Variants in KIF17 observed in about 807,000 individuals in gnomAD.
The protein encoded by KIF17 is kinesin family member 17.
KIF17 carries 80 observed loss-of-function variants against 96.8 expected under a neutral mutation model. The observed-to-expected ratio is 0.83, with a 90% CI of 0.69 to 1.00. KIF17 has a LOEUF of 1.00. Among genes scored for constraint, KIF17 ranks in the 50% least tolerant of loss-of-function variants. KIF17 has a pLI of 0.00. For missense variants in KIF17, 1,280 were observed against 1,372.9 expected, an observed-to-expected ratio of 0.93 and a Z score of 1.07; for synonymous variants, 567 against 587.5, an observed-to-expected ratio of 0.97 and a Z score of 0.51.
intron 13 of KIF17, 47 bp downstream of exon 13, chr1:20,670,374 A>C: frequency 1.3e-6 from 2 of 1,550,896 alleles, no homozygotes; most frequent in Non-Finnish European, 1.8e-6. Flanking sequence ...CTGGGGGCAA[A>C]GCCCTCCCAG....
rs920202411 is a variant in KIF17, at chr1:20,685,077, C to T, written c.2020-57G>A. ...GGAAGGCCGCCCCAACCCCCGCCGA[C>T]AGCTCCCAGGTGGCTCAATCCCAGA... On this transcript the variant is annotated intron_variant, in intron 9 of 14. Transcript: ENST00000400463. The surrounding 1 kb of genome is among the most constrained non-coding windows in gnomAD (Gnocchi z 4.1). 4.2e-6 allele frequency: 6 copies of T among 1,429,212 alleles called. No homozygotes were observed. The highest frequency in any genetic ancestry group is 1.7e-4 in the Middle Eastern group (1 of 5,768). 88.5% of individuals were successfully genotyped at this position (1,429,212 alleles called of 1,614,324 possible). A position where few individuals can be genotyped will look rare whatever the true frequency, so the allele number is the denominator to read the frequency against.
chr1:20,685,335 G>A lies in KIF17; in HGVS notation c.2020-315C>T. The A allele has an allele frequency of 1.9e-6, 1 of 531,550 alleles. No homozygotes were observed. Among genetic ancestry groups the A allele is most frequent in the South Asian group, 1.7e-5 (1 of 59,296 alleles). The allele number at this position is 531,550 out of a possible 1,614,324, so 32.9% of individuals were successfully genotyped here. ...ATCCCGTTCCCGATGAGCCCCATGTGACTTCCCGTCACGTTCGCAGGAAAG... is the reference window on the plus strand; with the variant it reads ...ATCCCGTTCCCGATGAGCCCCATGTAACTTCCCGTCACGTTCGCAGGAAAG... On this transcript the variant is annotated intron_variant, in intron 9 of 14. Coordinates refer to ENST00000400463, the MANE Select transcript of KIF17 (RefSeq NM_001122819.3). The surrounding 1 kb of genome is among the most constrained non-coding windows in gnomAD (Gnocchi z 4.1).
In KIF17 at chr1:20,690,487, C is replaced by T. The variant is rs542583500; in HGVS notation, c.1234-152G>A. 3,067 of 704,162 alleles carry T rather than the reference C, an allele frequency of 4.4e-3. 9 individuals carry two copies. The highest frequency in any genetic ancestry group is 5.7e-3 in the Non-Finnish European group (2,472 of 431,120). The allele number at this position is 704,162 out of a possible 1,614,324, so 43.6% of individuals were successfully genotyped here. On this transcript the variant is annotated intron_variant, in intron 6 of 14. Transcript: ENST00000400463. ...GTACAACACTGTGATAATTACTTGC[C>T]GGTGAAGACCTTTCCAAACTGTTCT...
Position 20,664,364 on chromosome 1 carries a change from C to T in KIF17, c.*220G>A. 1.4e-6 allele frequency: 2 copies of T among 1,437,716 alleles called. No individual in the cohort carries two copies. The highest frequency in any genetic ancestry group is 1.8e-6 in the Non-Finnish European group (2 of 1,100,400). 89.1% of individuals were successfully genotyped at this position (1,437,716 alleles called of 1,614,324 possible). ...ATGTGGTATGAACAGCTGGAGCAGG[C>T]CTCTCTAAGGAGGACTATACAGCCT... On this transcript the variant is annotated 3_prime_UTR_variant, in exon 15 of 15. Transcript: ENST00000400463.
At chr1:20,683,031 G>C (rs2053860396) in intron 10 of KIF17, 147 bp from the exon 11 acceptor site, 1 of 673,104 alleles carries the variant, frequency 1.5e-6, no homozygotes, top group African/African-American at 1.8e-5. Context: ...CTCGGCGACA[G>C]GACGCTGCTT....
rs1287897765 is a variant in KIF17, at chr1:20,717,809, C to CG, written c.-104dup. ...CGGGGCCAGCGCCGGCCACGGGGGG[C>CG]GGGGCCTTGAGGCAGGGGCGGGGCC... On this transcript the variant is annotated 5_prime_UTR_variant, in exon 1 of 15. Coordinates refer to ENST00000400463, the MANE Select transcript of KIF17 (RefSeq NM_001122819.3). The CG allele has an allele frequency of 1.6e-6, 2 of 1,283,366 alleles. No homozygotes were observed. The highest frequency in any genetic ancestry group is 3.3e-5 in the East Asian group (1 of 30,720). The allele number at this position is 1,283,366 out of a possible 1,614,324, so 79.5% of individuals were successfully genotyped here.
At chr1:20,662,567 T>C (rs1169033131), downstream of KIF17, among the ~76,000 whole-genome samples, 3 of 152,190 alleles carry the variant, frequency 2.0e-5, no homozygotes, top group African/African-American at 7.2e-5. Flanking sequence ...CCCTAACTCC[T>C]GCCCTTCCAC....
At chr1:20,669,904 A>C (rs79939467) in intron 13 of KIF17, among the ~76,000 whole-genome samples, 5 of 121,334 alleles carry the variant, frequency 4.1e-5, no homozygotes, top group African/African-American at 9.2e-5. Flanking sequence ...AAAAAAAAAA[A>C]CAACCACCAC....
Position 20,709,757 on chromosome 1 carries a change from C to T in KIF17, c.552G>A (p.Gln184=). ...LSMHTVHSVA[Q]CEHIMETGWK... ...AGCCAGTCTCCATGATGTGCTCACA[C>T]TGGGCCACGCTGTGCACCGTGTGCA... is the stretch of plus-strand genomic sequence containing the variant. The change falls in exon 4 of 15, where the codon CAG becomes CAA. Residue 184 remains glutamine (Q), a synonymous_variant. Transcript: ENST00000400463. The surrounding 1 kb of genome is among the most constrained non-coding windows in gnomAD (Gnocchi z 4.7). 6.2e-7 allele frequency: 1 copy of T among 1,614,162 alleles called. No homozygotes were observed. Among genetic ancestry groups the T allele is most frequent in the Non-Finnish European group, 8.5e-7 (1 of 1,180,032 alleles).
intron 6 of KIF17, among the ~76,000 whole-genome samples, chr1:20,692,446 T>G (rs980878441): frequency 4.6e-5 from 7 of 152,078 alleles, no homozygotes; most frequent in Admixed American, 3.9e-4. Context: ...GTTCAAGTGA[T>G]TCTCCTGATT....
rs180790850 is a variant in KIF17, at chr1:20,713,105, C to A, written c.480+349G>T. Among the ~76,000 whole-genome samples, 802 of 150,008 alleles carry A rather than the reference C, an allele frequency of 5.3e-3. 5 individuals are homozygous for A. The highest frequency in any genetic ancestry group is 8.9e-3 in the Non-Finnish European group (604 of 67,658). ...CTACCTCCTGGGTTCAAGTGATTCTCCTGCCTTAGCCTCCCCAGTAGCTGG... is the reference window on the plus strand; with the variant it reads ...CTACCTCCTGGGTTCAAGTGATTCTACTGCCTTAGCCTCCCCAGTAGCTGG... On this transcript the variant is annotated intron_variant, in intron 3 of 14. Coordinates refer to ENST00000400463, the MANE Select transcript of KIF17 (RefSeq NM_001122819.3).
At chr1:20,681,051 A>G (rs1239148709) in intron 11 of KIF17, among the ~76,000 whole-genome samples, 10 of 149,178 alleles carry the variant, frequency 6.7e-5, no homozygotes, top group South Asian at 2.2e-4. Context: ...GCATGAACCC[A>G]GGAGGCGGAG....
chr1:20,716,846 C>T (rs1427261150), intron 1 of KIF17, among the ~76,000 whole-genome samples: 2 of 152,198 alleles, frequency 1.3e-5, no homozygotes, highest in Non-Finnish European at 2.9e-5. Context: ...CAGTTCCTGC[C>T]CTTGCAGAGC....
In KIF17 at chr1:20,709,804, C is replaced by T. The variant is rs547253363; in HGVS notation, c.505G>A (p.Val169Met). ...LELKEHPEKG[V>M]YVKGLSMHTV... ...TGCATGGACAGCCCCTTCACGTACA[C>T]GCCCTTCTCTGGGTGCTCCTTCAGC... is the stretch of plus-strand genomic sequence containing the variant. The change falls in exon 4 of 15, where the codon GTG (valine) becomes ATG (methionine). Residue 169 changes from valine to methionine, a missense_variant. By Grantham distance (21) the Val-to-Met change is conservative. Coordinates refer to ENST00000400463, the MANE Select transcript of KIF17 (RefSeq NM_001122819.3). The surrounding 1 kb of genome is among the most constrained non-coding windows in gnomAD (Gnocchi z 4.7). 158 of 1,612,840 alleles carry T rather than the reference C, an allele frequency of 9.8e-5. No homozygotes were observed. The highest frequency in any genetic ancestry group is 2.3e-4 in the Admixed American group (14 of 59,750).
Position 20,709,754 on chromosome 1 carries a change from A to G in KIF17, c.555T>C (p.Cys185=). 1 of 1,614,088 alleles carries G rather than the reference A, an allele frequency of 6.2e-7. No individual in the cohort carries two copies. The highest frequency in any genetic ancestry group is 8.5e-7 in the Non-Finnish European group (1 of 1,179,972). Residue 185 remains cysteine (C), a synonymous_variant, in exon 4 of 15, where the codon TGT becomes TGC. Coordinates refer to ENST00000400463, the MANE Select transcript of KIF17 (RefSeq NM_001122819.3). This position sits in a 1 kb window ranked among gnomAD's most constrained non-coding sequence, Gnocchi z 4.7. ...TCCAGCCAGTCTCCATGATGTGCTC[A>G]CACTGGGCCACGCTGTGCACCGTGT... ...SMHTVHSVAQ[C]EHIMETGWKN...
chr1:20,709,024 T>C lies in KIF17; in HGVS notation c.670+615A>G, dbSNP rs1414464356. On this transcript the variant is annotated intron_variant, in intron 4 of 14. Transcript: ENST00000400463. The surrounding 1 kb of genome is among the most constrained non-coding windows in gnomAD (Gnocchi z 4.7). ...GTTGTGTGGCCTCAATTTCTTCCTCTGTAAAATGGGGATGATTCAGTATCC... is the reference window on the plus strand; with the variant it reads ...GTTGTGTGGCCTCAATTTCTTCCTCCGTAAAATGGGGATGATTCAGTATCC... Among the ~76,000 whole-genome samples, 1 of 152,190 alleles carries C rather than the reference T, an allele frequency of 6.6e-6. No homozygotes were observed. Among genetic ancestry groups the C allele is most frequent in the Non-Finnish European group, 1.5e-5 (1 of 68,030 alleles).
In KIF17 at chr1:20,687,366, C is replaced by CA; in HGVS notation, c.1938+21dup. ...CTCTGCCTGCTCAGTGTTCACATGGCACCATGCGTGACATCAGCTACCTGC... is the reference window on the plus strand; with the variant it reads ...CTCTGCCTGCTCAGTGTTCACATGGCAACCATGCGTGACATCAGCTACCTGC... On this transcript the variant is annotated intron_variant, in intron 8 of 14. Coordinates refer to ENST00000400463, the MANE Select transcript of KIF17 (RefSeq NM_001122819.3). The surrounding 1 kb of genome is among the most constrained non-coding windows in gnomAD (Gnocchi z 4.4). 1 of 1,611,952 alleles carries CA rather than the reference C, an allele frequency of 6.2e-7. No homozygotes were observed. The highest frequency in any genetic ancestry group is 1.1e-5 in the South Asian group (1 of 91,006).
At chr1:20,663,370 G>A (rs2053470304), downstream of KIF17, among the ~76,000 whole-genome samples, 1 of 152,152 alleles carries the variant, frequency 6.6e-6, no homozygotes, top group South Asian at 2.1e-4. Flanking sequence ...CCTTGGCCCA[G>A]GCATGTGGCT....
At position 20,687,675 on chromosome 1, in the gene KIF17, C is replaced by A; in HGVS notation, c.1651G>T (p.Glu551Ter). The A allele has an allele frequency of 6.2e-7, 1 of 1,614,214 alleles. No individual in the cohort carries two copies. The highest frequency in any genetic ancestry group is 8.5e-7 in the Non-Finnish European group (1 of 1,180,050). Reference protein sequence around the residue: ...SSSLEETSVSEAFPGPEEPSN... With the variant: ...SSSLEETSVS ...GGCTCCTCAGGCCCAGGGAAAGCCT[C>A]GGACACAGAGGTTTCTTCGAGCGAG... The change falls in exon 8 of 15, where the codon GAG becomes TAG. Residue 551 changes from glutamate to a stop codon, truncating the protein, a stop_gained. Transcript: ENST00000400463. LOFTEE classifies it high-confidence loss of function. The surrounding 1 kb of genome is among the most constrained non-coding windows in gnomAD (Gnocchi z 4.4).
Sources: gnomAD v4.1 joint callset for allele counts (sites outside exome capture counted in the v4.1 genomes callset) on GRCh38, gnomAD v4.1.1 for gene constraint, Gnocchi (gnomAD v3.1) non-coding constraint, MANE v1.5 for transcripts, NCBI Gene and HGNC (gene_info 2026-07-23, HGNC 2026-07-21) for gene names.